CNBD1: variants seen among roughly 807,000 people sequenced by gnomAD.
CNBD1 encodes the protein cyclic nucleotide binding domain containing 1.
A neutral mutation model predicts 54.4 loss-of-function variants in CNBD1; 71 were observed. The ratio of observed to expected loss-of-function variants is 1.30; its 90% CI spans 1.08 to 1.59. The LOEUF (loss-of-function observed/expected upper bound fraction) is 1.59. Ranked by LOEUF, CNBD1 falls within the 40% of genes most tolerant of loss-of-function variation. The pLI, the probability that CNBD1 is intolerant of heterozygous loss-of-function variation, is 0.00. For synonymous variants in CNBD1, 182 were observed against 170.7 expected, an observed-to-expected ratio of 1.07 and a Z score of -0.51; for missense variants, 659 against 518.0, an observed-to-expected ratio of 1.27 and a Z score of -2.64.
chr8:86,916,967 T>A lies in CNBD1; in HGVS notation c.272+11773T>A, dbSNP rs184021364. 4.3e-3 allele frequency among the ~76,000 whole-genome samples: 651 copies of A among 150,824 alleles called. 9 individuals carry two copies. Among genetic ancestry groups the A allele is most frequent in the Non-Finnish European group, 3.6e-3 (243 of 67,746 alleles). On this transcript the variant is annotated intron_variant, in intron 3 of 10. Coordinates refer to ENST00000518476, the MANE Select transcript of CNBD1 (RefSeq NM_173538.3). ...CTCACTGCACCCTCCACCTCCTGGG[T>A]TCTAGTGATTCTCATGCCCCAGCCT...
intron 8 of CNBD1, 82 bp downstream of exon 8, chr8:87,286,753 TA>T: frequency 1.1e-6 from 1 of 916,418 alleles, no homozygotes; most frequent in Non-Finnish European, 1.7e-6. Context: ...TGTAATATTT[TA>T]TACAATATTT....
chr8:87,334,719 C>CTTTTTTTTTTTTTTTTT (rs758083191), intron 8 of CNBD1, among the ~76,000 whole-genome samples: 5 of 126,144 alleles, frequency 4.0e-5, no homozygotes, highest in African/African-American at 1.3e-4. Flanking sequence ...TTTCTTTTTT[C>CTTTTTTTTTTTTTTTTT]TTTTCTTTTT....
intron 6 of CNBD1, 43 bp downstream of exon 6, chr8:87,237,155 C>T (rs566063414): frequency 6.9e-5 from 90 of 1,297,168 alleles, no homozygotes; most frequent in Middle Eastern, 1.9e-4. Context: ...AACAAGGTAA[C>T]GGGCTTTTGT....
intron 4 of CNBD1, among the ~76,000 whole-genome samples, chr8:87,080,399 T>C (rs888562640): frequency 7.2e-5 from 11 of 152,106 alleles, no homozygotes; most frequent in Non-Finnish European, 1.6e-4. Context: ...TTGGCTAACA[T>C]GGTGAAACCC....
chr8:87,171,872 C>T (rs921795726), intron 4 of CNBD1, among the ~76,000 whole-genome samples: 1 of 152,106 alleles, frequency 6.6e-6, no homozygotes, highest in Middle Eastern at 3.4e-3. Flanking sequence ...CTCCTGACCT[C>T]GTGATCCACC....
At chr8:87,341,602 G>A (rs182771779) in intron 8 of CNBD1, among the ~76,000 whole-genome samples, 2 of 152,276 alleles carry the variant, frequency 1.3e-5, no homozygotes, top group Non-Finnish European at 2.9e-5. Flanking sequence ...AGAAGTAATT[G>A]AATCATGAGG....
chr8:87,228,921 G>A (rs544962774), intron 5 of CNBD1, among the ~76,000 whole-genome samples: 2 of 152,222 alleles, frequency 1.3e-5, no homozygotes, highest in Non-Finnish European at 2.9e-5. Context: ...CTCCGAGCCA[G>A]GTGGGGGATA....
At chr8:86,941,756 A>G (rs1223058976) in intron 4 of CNBD1, among the ~76,000 whole-genome samples, 1 of 152,254 alleles carries the variant, frequency 6.6e-6, no homozygotes, top group Non-Finnish European at 1.5e-5. Flanking sequence ...AAGGTGGTCC[A>G]AGCACAGTGA....
Position 87,237,261 on chromosome 8 carries a change from A to G in CNBD1, c.771+149A>G, listed in dbSNP as rs1343747277. ...CTTTAAAATATAAATGATATTATTAATACTTACATTTGATTAAACATTTTT... is the reference window on the plus strand; with the variant it reads ...CTTTAAAATATAAATGATATTATTAGTACTTACATTTGATTAAACATTTTT... On this transcript the variant is annotated intron_variant, in intron 6 of 10. Transcript: ENST00000518476. 2.4e-5 allele frequency: 11 copies of G among 453,948 alleles called. No individual in the cohort carries two copies. In the Admixed American group the frequency reaches 4.3e-4, roughly 18 times the overall value. 28.1% of individuals were successfully genotyped at this position (453,948 alleles called of 1,614,324 possible). A position where few individuals can be genotyped will look rare whatever the true frequency, so the allele number is the denominator to read the frequency against.
chr8:87,002,525 G>A (rs1490081321), intron 4 of CNBD1, among the ~76,000 whole-genome samples: 1 of 151,172 alleles, frequency 6.6e-6, no homozygotes, highest in Non-Finnish European at 1.5e-5. Context: ...TGGTCTTCTT[G>A]CTGTTTCTCA....
At chr8:86,879,380 G>T (rs1324212906) in intron 1 of CNBD1, among the ~76,000 whole-genome samples, 1 of 152,140 alleles carries the variant, frequency 6.6e-6, no homozygotes, top group Non-Finnish European at 1.5e-5. Flanking sequence ...TATTCTTGTG[G>T]TGCTGTAAGA....
At chr8:87,228,029 G>C (rs905369160) in intron 5 of CNBD1, among the ~76,000 whole-genome samples, 1 of 151,416 alleles carries the variant, frequency 6.6e-6, no homozygotes, top group African/African-American at 2.4e-5. Flanking sequence ...CCAGTTGATC[G>C]CATCGGCTCC....
intron 10 of CNBD1, among the ~76,000 whole-genome samples, chr8:87,369,948 A>G (rs768968775): frequency 1.3e-5 from 2 of 152,016 alleles, no homozygotes; most frequent in East Asian, 1.9e-4. Context: ...TCATTGTTCA[A>G]TTCCCATCTA....
intron 2 of CNBD1, among the ~76,000 whole-genome samples, chr8:86,898,639 G>A (rs1808882908): frequency 6.6e-6 from 1 of 152,054 alleles, no homozygotes; most frequent in Non-Finnish European, 1.5e-5. Flanking sequence ...ATGTGTCTAG[G>A]CAGAGACCTT....
chr8:86,960,121 A>G (rs1044332402), intron 4 of CNBD1, among the ~76,000 whole-genome samples: 1 of 152,144 alleles, frequency 6.6e-6, no homozygotes, highest in African/African-American at 2.4e-5. Context: ...TACCAGGTTC[A>G]TCTCACTGGA....
At chr8:87,361,336 T>A (rs914471322) in intron 10 of CNBD1, among the ~76,000 whole-genome samples, 7 of 151,850 alleles carry the variant, frequency 4.6e-5, no homozygotes, top group African/African-American at 1.4e-4. Context: ...AAAATGCTAA[T>A]ATCTTTAATG....
intron 8 of CNBD1, among the ~76,000 whole-genome samples, chr8:87,337,805 G>C (rs1466426228): frequency 6.6e-6 from 1 of 152,180 alleles, no homozygotes; most frequent in Admixed American, 6.5e-5. Context: ...CACCTAGTCA[G>C]TTCTAATGAC....
intron 10 of CNBD1, among the ~76,000 whole-genome samples, chr8:87,368,706 G>C (rs1234280839): frequency 5.9e-5 from 9 of 151,970 alleles, no homozygotes; most frequent in Admixed American, 2.0e-4. Context: ...GCTTCTATTA[G>C]CCAAAAGAGG....
At chr8:87,001,118 CT>C (rs1175549037) in intron 4 of CNBD1, among the ~76,000 whole-genome samples, 1 of 152,008 alleles carries the variant, frequency 6.6e-6, no homozygotes, top group Non-Finnish European at 1.5e-5. Context: ...TGTCTTCATT[CT>C]TTTTTTCTTA....
Sources: gnomAD v4.1 joint callset for allele counts (sites outside exome capture counted in the v4.1 genomes callset) on GRCh38, gnomAD v4.1.1 for gene constraint, MANE v1.5 for transcripts, NCBI Gene and HGNC (gene_info 2026-07-23, HGNC 2026-07-21) for gene names.